The following LYPD6B variants were observed in gnomAD, a reference collection of about 807,000 sequenced individuals.
LYPD6B encodes the protein LY6/PLAUR domain containing 6B.
A neutral mutation model predicts 22.8 loss-of-function variants in LYPD6B; 17 were observed. The ratio of observed to expected loss-of-function variants is 0.75; its 90% confidence interval spans 0.51 to 1.12. The LOEUF (loss-of-function observed/expected upper bound fraction) is 1.12. Ranked by LOEUF, LYPD6B falls within the 50% of genes most tolerant of loss-of-function variation. The pLI, the probability that LYPD6B is intolerant of heterozygous loss-of-function variation, is 0.00. For synonymous variants in LYPD6B, 106 were observed against 91.6 expected, an observed-to-expected ratio of 1.16 and a Z score of -0.90; for missense variants, 221 against 258.3, an observed-to-expected ratio of 0.86 and a Z score of 0.99.
intron 2 of LYPD6B, among the ~76,000 whole-genome samples, chr2:149,133,729 G>GT (rs1223665550): frequency 6.6e-6 from 1 of 152,224 alleles, no homozygotes; most frequent in African/African-American, 2.4e-5. Context: ...AGAAGGGAAG[G>GT]TGAGAGAATG....
chr2:149,135,909 C>G (rs1232315532), intron 2 of LYPD6B, among the ~76,000 whole-genome samples: 1 of 151,996 alleles, frequency 6.6e-6, no homozygotes, highest in African/African-American at 2.4e-5. Flanking sequence ...CCATCCCTCC[C>G]CATGCCAGGC....
At chr2:149,126,860 T>C (rs1687727088) in intron 1 of LYPD6B, among the ~76,000 whole-genome samples, 2 of 152,188 alleles carry the variant, frequency 1.3e-5, no homozygotes, top group African/African-American at 2.4e-5. Context: ...TTTTCTTCTG[T>C]GCTTCATGCC....
intron 1 of LYPD6B, among the ~76,000 whole-genome samples, chr2:149,071,392 G>T (rs1356965223): frequency 6.6e-6 from 1 of 152,186 alleles, no homozygotes; most frequent in Non-Finnish European, 1.5e-5. Context: ...TGTTTAAATA[G>T]AGGTTCCAAG....
intron 3 of LYPD6B, among the ~76,000 whole-genome samples, chr2:149,198,953 T>C (rs1004727993): frequency 9.9e-5 from 15 of 152,232 alleles, no homozygotes; most frequent in Non-Finnish European, 1.9e-4. Context: ...TTTCCCTTGG[T>C]TGCAATAGAG....
intron 2 of LYPD6B, among the ~76,000 whole-genome samples, chr2:149,158,373 G>C (rs1345402658): frequency 6.6e-6 from 1 of 152,148 alleles, no homozygotes; most frequent in Non-Finnish European, 1.5e-5. Context: ...ACTACCACAT[G>C]GATGAAACTT....
At chr2:149,121,639 T>C (rs1286946890) in intron 1 of LYPD6B, among the ~76,000 whole-genome samples, 1 of 152,168 alleles carries the variant, frequency 6.6e-6, no homozygotes, top group Non-Finnish European at 1.5e-5. Flanking sequence ...TAGTGTTTCA[T>C]GAGGGCTCAT....
At chr2:149,155,508 C>T (rs1467784434) in intron 2 of LYPD6B, among the ~76,000 whole-genome samples, 1 of 152,190 alleles carries the variant, frequency 6.6e-6, no homozygotes, top group Non-Finnish European at 1.5e-5. Flanking sequence ...CAGGGCATTA[C>T]TTCTAATAGC....
At chr2:149,203,863 G>A (rs529519729) in intron 3 of LYPD6B, among the ~76,000 whole-genome samples, 8 of 152,316 alleles carry the variant, frequency 5.3e-5, no homozygotes, top group Non-Finnish European at 8.8e-5. Context: ...CCATGGGAAG[G>A]CCTTATTAGT....
intron 1 of LYPD6B, among the ~76,000 whole-genome samples, chr2:149,063,838 C>T (rs1274594334): frequency 6.6e-6 from 1 of 152,004 alleles, no homozygotes; most frequent in Non-Finnish European, 1.5e-5. Flanking sequence ...GCAAAAGAAG[C>T]AACTAGCAAG....
intron 1 of LYPD6B, among the ~76,000 whole-genome samples, chr2:149,130,678 C>T (rs1013769002): frequency 6.6e-6 from 1 of 152,100 alleles, no homozygotes; most frequent in Non-Finnish European, 1.5e-5. Flanking sequence ...TATGTCCTGC[C>T]AAATCTTTCT....
At chr2:149,180,984 G>A (rs1466556212) in intron 3 of LYPD6B, among the ~76,000 whole-genome samples, 1 of 152,174 alleles carries the variant, frequency 6.6e-6, no homozygotes, top group Non-Finnish European at 1.5e-5. Flanking sequence ...GGACTAGATT[G>A]TTGGCTTTTC....
At chr2:149,050,267 C>T (rs1055301574) in intron 1 of LYPD6B, among the ~76,000 whole-genome samples, 4 of 152,102 alleles carry the variant, frequency 2.6e-5, no homozygotes, top group African/African-American at 2.4e-5. Context: ...ACCTTTTCTT[C>T]TCGGGGGCCC....
intron 1 of LYPD6B, among the ~76,000 whole-genome samples, chr2:149,127,779 C>G (rs1687784647): frequency 6.6e-6 from 1 of 152,168 alleles, no homozygotes; most frequent in Non-Finnish European, 1.5e-5. Context: ...AGAATACCCC[C>G]AGTTCCTTGT....
chr2:149,070,468 C>G (rs934805708), intron 1 of LYPD6B, among the ~76,000 whole-genome samples: 4 of 152,108 alleles, frequency 2.6e-5, no homozygotes, highest in African/African-American at 9.7e-5. Context: ...TGATCTCCTT[C>G]CCCCCTCATA....
chr2:149,082,864 G>A (rs1370118450), intron 1 of LYPD6B, among the ~76,000 whole-genome samples: 1 of 152,168 alleles, frequency 6.6e-6, no homozygotes, highest in Non-Finnish European at 1.5e-5. Context: ...GAACCTGACT[G>A]GGTACAGCCA....
intron 2 of LYPD6B, among the ~76,000 whole-genome samples, chr2:149,133,508 C>T (rs930554476): frequency 6.6e-6 from 1 of 152,178 alleles, no homozygotes; most frequent in Admixed American, 6.5e-5. Flanking sequence ...ATTTCTCCTC[C>T]CTTTGGGAAT....
In LYPD6B at chr2:149,143,381, G is replaced by A. The variant is rs1183706455; in HGVS notation, c.5+12428G>A. On this transcript the variant is annotated intron_variant, in intron 2 of 6. Transcript: ENST00000409642. ...GTTTATGATCTGGGCAGGGACCTTC[G>A]GTGAGAAATGGCAGTTCTTCTTGGT... Among the ~76,000 whole-genome samples the A allele has an allele frequency of 3.3e-5, 5 of 151,224 alleles. No individual in the cohort carries two copies. The South Asian group carries it at 6.3e-4, about 19-fold the overall frequency.
chr2:149,068,727 A>G (rs907656436), intron 1 of LYPD6B: 25 of 538,006 alleles, frequency 4.6e-5, no homozygotes, highest in African/African-American at 3.3e-4. Context: ...ACATCCTGAC[A>G]GTCATCCACA....
chr2:149,061,727 T>C (rs1001644788), intron 1 of LYPD6B, among the ~76,000 whole-genome samples: 1 of 152,160 alleles, frequency 6.6e-6, no homozygotes, highest in African/African-American at 2.4e-5. Flanking sequence ...ATGACAAACA[T>C]ATCCATTCTT....
Sources: allele counts gnomAD v4.1 joint callset (sites outside exome capture counted in the v4.1 genomes callset), GRCh38; gene constraint gnomAD v4.1.1; transcripts MANE v1.5; gene names NCBI Gene and HGNC (gene_info 2026-07-23, HGNC 2026-07-21).